Variants in TARS1 observed in about 807,000 individuals in gnomAD.
TARS1 encodes threonine--tRNA ligase 1, cytoplasmic.
TARS1 carries 57 observed loss-of-function variants against 97.7 expected under a neutral mutation model. The observed-to-expected ratio is 0.58, with a 90% CI of 0.47 to 0.73. TARS1 has a LOEUF of 0.73. Ranked by LOEUF, TARS1 falls within the 30% of genes least tolerant of loss-of-function variation. The probability of loss-of-function intolerance (pLI) is 0.00; values close to 1 mark genes in which losing one functional copy is unlikely to be tolerated. For synonymous variants in TARS1, 312 were observed against 293.7 expected (o/e 1.06, Z -0.64); for missense variants, 806 against 888.3 (o/e 0.91, Z 1.18).
chr5:33,458,395 A>G (rs977889702), intron 9 of TARS1, among the ~76,000 whole-genome samples, 171 bp from the exon 10 acceptor site: 3 of 152,218 alleles, frequency 2.0e-5, no homozygotes, highest in Non-Finnish European at 4.4e-5. Flanking sequence ...ATCAGCTGCA[A>G]TTCTATAACA....
In TARS1 at chr5:33,461,893, C is replaced by A; in HGVS notation, c.1630-13C>A. The A allele has an allele frequency of 6.2e-7, 1 of 1,610,194 alleles. No homozygotes were observed. Among genetic ancestry groups the A allele is most frequent in the Non-Finnish European group, 8.5e-7 (1 of 1,176,622 alleles). On this transcript the variant is annotated splice_polypyrimidine_tract_variant and intron_variant, in intron 14 of 18. Coordinates refer to ENST00000265112, the MANE Select transcript of TARS1 (RefSeq NM_152295.5). ...CACTGGCATTTTATAATAACCCAGTCTTTGCTTCTTAGATTGACATACAGA... is the reference window on the plus strand; with the variant it reads ...CACTGGCATTTTATAATAACCCAGTATTTGCTTCTTAGATTGACATACAGA...
intron 18 of TARS1, 35 bp from the exon 19 acceptor site, chr5:33,467,525 A>G: frequency 6.3e-7 from 1 of 1,599,552 alleles, no homozygotes; most frequent in South Asian, 1.1e-5. Flanking sequence ...ATATCTTTAG[A>G]TTAAGTCTGA....
chr5:33,460,028 C>CTTT (rs77381964), intron 11 of TARS1, 167 bp downstream of exon 11: 825 of 378,622 alleles, frequency 2.2e-3, no homozygotes, highest in Middle Eastern at 5.5e-3. Flanking sequence ...TAGATCCCCA[C>CTTT]TTTTTTTTTT....
chr5:33,456,902 T>TC (rs1362384468), intron 8 of TARS1, among the ~76,000 whole-genome samples: 1 of 152,224 alleles, frequency 6.6e-6, no homozygotes, highest in African/African-American at 2.4e-5. Context: ...GCTCAAGCAG[T>TC]CCTCCTGCCT....
intron 1 of TARS1, among the ~76,000 whole-genome samples, chr5:33,444,678 GACA>G (rs1458537341): frequency 6.6e-6 from 1 of 152,104 alleles, no homozygotes; most frequent in Non-Finnish European, 1.5e-5. Flanking sequence ...TAACATTTCT[GACA>G]ACAAGCTTAT....
At chr5:33,464,532 A>G (rs1742443105) in intron 17 of TARS1, among the ~76,000 whole-genome samples, 1 of 152,236 alleles carries the variant, frequency 6.6e-6, no homozygotes, top group South Asian at 2.1e-4. Context: ...CAAATTATTA[A>G]AAGTTGATGA....
rs112825149 is a variant in TARS1, at chr5:33,455,130, A to G, written c.575+64A>G. On this transcript the variant is annotated intron_variant, in intron 5 of 18. Transcript: ENST00000265112. Reference sequence around the variant, plus strand: ...ACTATGGATCCATAAGTTATTCTTAAGAGTTCTCAGTAAGGGAGGAATGAT... The same window carrying G: ...ACTATGGATCCATAAGTTATTCTTAGGAGTTCTCAGTAAGGGAGGAATGAT... The G allele has an allele frequency of 1.2e-3, 1,950 of 1,587,412 alleles. 20 individuals carry two copies. The African/African-American group carries it at 0.023, about 19-fold the overall frequency.
chr5:33,457,397 T>A lies in TARS1; in HGVS notation c.978T>A (p.Ile326=). The A allele has an allele frequency of 6.2e-7, 1 of 1,614,010 alleles. No homozygotes were observed. Among genetic ancestry groups the A allele is most frequent in the Non-Finnish European group, 8.5e-7 (1 of 1,179,934 alleles). The change falls in exon 9 of 19, where the codon ATT becomes ATA. Residue 326 remains isoleucine (I), a synonymous_variant. Transcript: ENST00000265112. The part of the protein sequence containing the change: ...EEAKNRDHRK[I]GRDQELYFFH... ...CTAAAAACCGAGATCATAGGAAAATTGGCAGGGTATGTTCAAGAACAATGA... is the reference window on the plus strand; with the variant it reads ...CTAAAAACCGAGATCATAGGAAAATAGGCAGGGTATGTTCAAGAACAATGA...
At chr5:33,460,723 T>C (rs1742249392) in intron 11 of TARS1, among the ~76,000 whole-genome samples, 179 bp from the exon 12 acceptor site, 2 of 152,236 alleles carry the variant, frequency 1.3e-5, no homozygotes, top group East Asian at 1.9e-4. Flanking sequence ...TTATAACTTA[T>C]TTGCTGTTTT....
rs1439126095 is a variant in TARS1, at chr5:33,456,170, C to T, written c.780C>T (p.Leu260=). 1 of 1,614,016 alleles carries T rather than the reference C, an allele frequency of 6.2e-7. No homozygotes were observed. Among genetic ancestry groups the T allele is most frequent in the South Asian group, 1.1e-5 (1 of 91,068 alleles). ...TTAGATGTGGCCCTTTGATAGATCT[C>T]TGCCGGGGTCCTCATGTTAGACACA... ...TVYRCGPLID[L]CRGPHVRHTG... is the part of the protein sequence containing the mutation. The change falls in exon 8 of 19, where the codon CTC becomes CTT. Residue 260 remains leucine (L), a synonymous_variant. Coordinates refer to ENST00000265112, the MANE Select transcript of TARS1 (RefSeq NM_152295.5).
At chr5:33,453,538 C>T in intron 4 of TARS1, 126 bp downstream of exon 4, 1 of 1,248,694 alleles carries the variant, frequency 8.0e-7, no homozygotes, top group Non-Finnish European at 1.1e-6. Flanking sequence ...TATTTGAAAT[C>T]TTCATTTTGT....
intron 9 of TARS1, among the ~76,000 whole-genome samples, chr5:33,458,279 G>C (rs1312482774): frequency 6.6e-6 from 1 of 152,224 alleles, no homozygotes; most frequent in Non-Finnish European, 1.5e-5. Flanking sequence ...GCAGTGGATA[G>C]TTAAAGAACT....
intron 3 of TARS1, among the ~76,000 whole-genome samples, chr5:33,450,485 CATTT>C (rs989314437): frequency 1.3e-5 from 2 of 152,192 alleles, no homozygotes. Context: ...TGTTTCCATT[CATTT>C]GACAAGTGCT....
chr5:33,464,253 C>A (rs573008154), intron 17 of TARS1, among the ~76,000 whole-genome samples: 102 of 152,250 alleles, frequency 6.7e-4, no homozygotes, highest in Middle Eastern at 3.4e-3. Context: ...TTTTAAAAAA[C>A]CAGATTAGCA....
rs776564391 is a variant in TARS1 at position 33,466,938 on chromosome 5, A to G, written c.1976A>G (p.Asn659Ser). 1.2e-6 allele frequency: 2 copies of G among 1,605,706 alleles called. No individual in the cohort carries two copies. The highest frequency in any genetic ancestry group is 1.7e-6 in the Non-Finnish European group (2 of 1,176,418). ...DIDLDPGCTL[N>S]KKIRNAQLAQ... ...GATCTGGATCCAGGCTGTACATTGA[A>G]TAAAAAGATTCGAAATGCACAGTTA... The change falls in exon 18 of 19, where the codon AAT becomes AGT. Residue 659 changes from asparagine (N) to serine (S), a missense_variant. Physicochemically the swap from Asn to Ser is conservative, Grantham distance 46 (BLOSUM62 1). Coordinates refer to ENST00000265112, the MANE Select transcript of TARS1 (RefSeq NM_152295.5).
At chr5:33,441,223 G>C (rs1307482742) in intron 1 of TARS1, 80 bp downstream of exon 1, 2 of 1,577,728 alleles carry the variant, frequency 1.3e-6, no homozygotes, top group Non-Finnish European at 1.7e-6. Flanking sequence ...GGGAGCGGGG[G>C]GCAGGAAGCA....
chr5:33,442,811 GTCT>G (rs1741179442), intron 1 of TARS1, among the ~76,000 whole-genome samples: 1 of 152,148 alleles, frequency 6.6e-6, no homozygotes, highest in Admixed American at 6.6e-5. Flanking sequence ...GCCTCATTCA[GTCT>G]TCTTAATAAC....
At chr5:33,442,000 A>G (rs1741124217) in intron 1 of TARS1, 1 of 152,230 alleles carries the variant, frequency 6.6e-6, no homozygotes, top group African/African-American at 2.4e-5. Flanking sequence ...TGTATTCTAT[A>G]CATGAAGGAT....
intron 3 of TARS1, chr5:33,452,266 G>T: frequency 8.7e-7 from 1 of 1,148,788 alleles, no homozygotes; most frequent in East Asian, 2.6e-5. Flanking sequence ...AGATGTCCAG[G>T]CTGTTATAGA....
Sources: gnomAD v4.1 joint callset for allele counts (sites outside exome capture counted in the v4.1 genomes callset) on GRCh38, gnomAD v4.1.1 for gene constraint, MANE v1.5 for transcripts, NCBI Gene and HGNC (gene_info 2026-07-23, HGNC 2026-07-21) for gene names.